Variants in PPM1F observed in about 807,000 individuals in gnomAD.
The protein encoded by PPM1F is protein phosphatase, Mg2+/Mn2+ dependent 1F, also known as protein phosphatase 1F.
Under a neutral mutation model 35.5 loss-of-function variants are expected in PPM1F, and 17 were observed. That is an observed-to-expected ratio of 0.48 (90% CI 0.33 to 0.72). PPM1F has a LOEUF of 0.72. Ranked by LOEUF, PPM1F falls within the 30% of genes least tolerant of loss-of-function variation. PPM1F has a pLI of 0.02. For missense variants in PPM1F, 521 were observed against 613.0 expected (o/e 0.85, Z 1.59); for synonymous variants, 241 against 255.5 (o/e 0.94, Z 0.54).
At chr22:21,933,271 C>A in intron 5 of PPM1F, 120 bp downstream of exon 5, 2 of 919,716 alleles carry the variant, frequency 2.2e-6, no homozygotes, top group South Asian at 3.7e-5. Flanking sequence ...GCAGGACCAC[C>A]GGCAGTGTTT....
chr22:21,927,385 G>A lies in PPM1F; in HGVS notation c.892-1723C>T, dbSNP rs537196691. Among the ~76,000 whole-genome samples the A allele has an allele frequency of 6.6e-5, 10 of 152,336 alleles. No individual in the cohort carries two copies. The South Asian group carries it at 1.7e-3, about 25-fold the overall frequency. ...GCCTCCTCCCCTGTGCCTCAGAGGC[G>A]TTCCCTGGGGAGGGGCTGTGAGCGT... On this transcript the variant is annotated intron_variant, in intron 6 of 7. Transcript: ENST00000263212.
intron 3 of PPM1F, chr22:21,937,065 A>G (rs1464183037): frequency 6.6e-6 from 1 of 152,206 alleles, no homozygotes; most frequent in African/African-American, 2.4e-5. Context: ...TCAATGCACA[A>G]ACTCTCCTGG....
In PPM1F at chr22:21,927,942, G is replaced by GTTTTTTTTTTTTTTTTTTTTTTTTTTT. The variant is rs60216371; in HGVS notation, c.892-2307_892-2281dup. ...GATTCTTGATTCTGTTTTTTGTTTT[G>GTTTTTTTTTTTTTTTTTTTTTTTTTTT]TTTTTTTTTTTTTTTTTTTTTTTTT... On this transcript the variant is annotated intron_variant, in intron 6 of 7. Transcript: ENST00000263212. Among the ~76,000 whole-genome samples, 20 of 75,146 alleles carry GTTTTTTTTTTTTTTTTTTTTTTTTTTT rather than the reference G, an allele frequency of 2.7e-4. 2 individuals carry two copies. The highest frequency in any genetic ancestry group is 5.5e-4 in the East Asian group (1 of 1,810). 49.3% of individuals were successfully genotyped at this position (75,146 alleles called of 152,430 possible).
chr22:21,933,459 G>T lies in PPM1F; in HGVS notation c.679C>A (p.Pro227Thr). The change falls in exon 5 of 8, where the codon CCT (proline) becomes ACT (threonine). Residue 227 changes from proline (P) to threonine (T), a missense_variant. Physicochemically the swap from Pro to Thr is conservative, Grantham distance 38. Coordinates refer to ENST00000263212, the MANE Select transcript of PPM1F (RefSeq NM_014634.4). ...AARQPELPTDPEGALREAFRR... is the reference protein window; with the variant it reads ...AARQPELPTDTEGALREAFRR... ...AAGGCTTCTCTGAGGGCTCCCTCAG[G>T]GTCTGTGGGCAGCTCTGGCTGGCGG... 1.9e-6 allele frequency: 3 copies of T among 1,613,482 alleles called. No homozygotes were observed. The highest frequency in any genetic ancestry group is 1.3e-5 in the African/African-American group (1 of 75,052).
intron 6 of PPM1F, among the ~76,000 whole-genome samples, chr22:21,928,584 CTTGTTT>C (rs1251313200): frequency 1.3e-5 from 2 of 151,986 alleles, no homozygotes; most frequent in African/African-American, 4.8e-5. Context: ...GATTCTGGGG[CTTGTTT>C]TTGTTTTTTG....
intron 3 of PPM1F, chr22:21,938,124 C>T (rs1286947488): frequency 4.7e-5 from 61 of 1,300,088 alleles, no homozygotes; most frequent in Non-Finnish European, 5.7e-5. Context: ...CTTCTAGCTG[C>T]GCCCTCCCTC....
chr22:21,936,508 C>A (rs2070660847), intron 3 of PPM1F: 1 of 152,276 alleles, frequency 6.6e-6, no homozygotes, highest in Non-Finnish European at 1.5e-5. Flanking sequence ...GTGGAGCTCA[C>A]TTCCCACTGC....
At position 21,923,039 on chromosome 22, in the gene PPM1F, G is replaced by A. The variant is rs933023709; in HGVS notation, c.*53C>T. Reference sequence around the variant, plus strand: ...ACCTGTTGGGTCCTGAGGCTTCTGAGGGAGAGAAGGACAAGGATGGGAGGA... The same window carrying A: ...ACCTGTTGGGTCCTGAGGCTTCTGAAGGAGAGAAGGACAAGGATGGGAGGA... On this transcript the variant is annotated 3_prime_UTR_variant, in exon 8 of 8. Coordinates refer to ENST00000263212, the MANE Select transcript of PPM1F (RefSeq NM_014634.4). 8.4e-6 allele frequency: 13 copies of A among 1,539,110 alleles called. No homozygotes were observed. The highest frequency in any genetic ancestry group is 1.1e-5 in the Non-Finnish European group (13 of 1,145,596).
At position 21,922,894 on chromosome 22, in the gene PPM1F, C is replaced by T; in HGVS notation, c.*198G>A. ...TGAGGTCTCCTAAGCTGCCTTCCAC[C>T]ATCTGCCCGCCACCCAGTGCAGTTC... is the stretch of plus-strand genomic sequence containing the variant. On this transcript the variant is annotated 3_prime_UTR_variant, in exon 8 of 8. Transcript: ENST00000263212. The T allele has an allele frequency of 3.0e-6, 2 of 675,512 alleles. No homozygotes were observed. 41.8% of individuals were successfully genotyped at this position (675,512 alleles called of 1,614,324 possible). A position where few individuals can be genotyped will look rare whatever the true frequency, so the allele number is the denominator to read the frequency against.
intron 1 of PPM1F, 51 bp from the exon 2 acceptor site, chr22:21,946,159 A>T: frequency 3.5e-6 from 3 of 863,836 alleles, no homozygotes; most frequent in Non-Finnish European, 5.1e-6. Context: ...GGCACCAGCA[A>T]TGCAGGTGCC....
intron 6 of PPM1F, among the ~76,000 whole-genome samples, chr22:21,928,315 T>C (rs1282164709): frequency 1.3e-5 from 2 of 152,166 alleles, no homozygotes; most frequent in East Asian, 3.9e-4. Flanking sequence ...TGTCTCCACC[T>C]GCAGAGCCGG....
In PPM1F at chr22:21,928,442, G is replaced by T. The variant is rs1299115590; in HGVS notation, c.891+2706C>A. ...GACCCAGCCCTCAACTTGTCCTCCAGTGGCCTGATCACTTCAGAAGCTTCT... is the reference window on the plus strand; with the variant it reads ...GACCCAGCCCTCAACTTGTCCTCCATTGGCCTGATCACTTCAGAAGCTTCT... On this transcript the variant is annotated intron_variant, in intron 6 of 7. Transcript: ENST00000263212. Among the ~76,000 whole-genome samples the T allele has an allele frequency of 2.6e-5, 4 of 152,326 alleles. No homozygotes were observed. The East Asian group carries it at 7.7e-4, about 29-fold the overall frequency.
chr22:21,937,272 T>C (rs1052172744), intron 3 of PPM1F: 1 of 152,248 alleles, frequency 6.6e-6, no homozygotes, highest in African/African-American at 2.4e-5. Flanking sequence ...GGAAGAACCA[T>C]GAACGCGAGG....
intron 6 of PPM1F, 34 bp from the exon 7 acceptor site, chr22:21,925,696 C>A: frequency 6.6e-7 from 1 of 1,507,910 alleles, no homozygotes; most frequent in Non-Finnish European, 9.0e-7. Context: ...GGGGCAGGGC[C>A]GGGGGGATGG....
At chr22:21,930,584 C>A (rs1254736908) in intron 6 of PPM1F, among the ~76,000 whole-genome samples, 1 of 152,128 alleles carries the variant, frequency 6.6e-6, no homozygotes, top group African/African-American at 2.4e-5. Context: ...GAGAACAGCA[C>A]GTGGGAAAAG....
At position 21,923,049 on chromosome 22, in the gene PPM1F, G is replaced by C; in HGVS notation, c.*43C>G. 2 of 1,550,280 alleles carry C rather than the reference G, an allele frequency of 1.3e-6. No individual in the cohort carries two copies. The highest frequency in any genetic ancestry group is 1.7e-6 in the Non-Finnish European group (2 of 1,150,898). On this transcript the variant is annotated 3_prime_UTR_variant, in exon 8 of 8. Coordinates refer to ENST00000263212, the MANE Select transcript of PPM1F (RefSeq NM_014634.4). ...TCCTGAGGCTTCTGAGGGAGAGAAG[G>C]ACAAGGATGGGAGGAAGGGGAGGGC...
At chr22:21,931,458 A>G (rs2070589405) in intron 5 of PPM1F, among the ~76,000 whole-genome samples, 167 bp from the exon 6 acceptor site, 1 of 152,192 alleles carries the variant, frequency 6.6e-6, no homozygotes, top group South Asian at 2.1e-4. Context: ...GTGGACTTCA[A>G]ATATGCACCA....
chr22:21,942,099 G>A (rs2070731692), intron 2 of PPM1F: 1 of 152,334 alleles, frequency 6.6e-6, no homozygotes, highest in Non-Finnish European at 1.5e-5. Flanking sequence ...TGGGGGTCAG[G>A]GGAGCATGCC....
chr22:21,924,620 G>T (rs2070489473), intron 7 of PPM1F, among the ~76,000 whole-genome samples: 1 of 149,064 alleles, frequency 6.7e-6, no homozygotes, highest in African/African-American at 2.5e-5. Context: ...GCCCAGGCTG[G>T]AGTGCAGTGG....
Sources: allele counts gnomAD v4.1 joint callset (sites outside exome capture counted in the v4.1 genomes callset), GRCh38; gene constraint gnomAD v4.1.1; transcripts MANE v1.5; gene names NCBI Gene and HGNC (gene_info 2026-07-23, HGNC 2026-07-21).